FAT4: variants seen among roughly 807,000 people sequenced by gnomAD.
The protein encoded by FAT4 is protocadherin Fat 4.
In FAT4, 84 loss-of-function variants were observed where a neutral mutation model predicts 303.9. The observed-to-expected ratio is 0.28, with a 90% CI of 0.23 to 0.33. The LOEUF (loss-of-function observed/expected upper bound fraction) is 0.33, where lower values mean the gene tolerates loss of function less well. Among genes scored for constraint, FAT4 ranks in the 10% least tolerant of loss-of-function variants. The pLI, the probability that FAT4 is intolerant of heterozygous loss-of-function variation, is 1.00. For synonymous variants in FAT4, 2,307 were observed against 2,298.8 expected (o/e 1.00, Z -0.10); for missense variants, 6,005 against 6,146.8 (o/e 0.98, Z 0.77).
intron 10 of FAT4, among the ~76,000 whole-genome samples, chr4:125,463,256 G>A (rs1034685620): frequency 2.1e-4 from 32 of 151,874 alleles, no homozygotes; most frequent in African/African-American, 6.3e-4. Context: ...CATTGACACA[G>A]AAAATAAATT....
chr4:125,379,710 T>C (rs1407626156), intron 2 of FAT4, among the ~76,000 whole-genome samples: 2 of 152,066 alleles, frequency 1.3e-5, no homozygotes, highest in Non-Finnish European at 2.9e-5. Flanking sequence ...TCCACCCACC[T>C]CGGCCTCCCA....
intron 7 of FAT4, among the ~76,000 whole-genome samples, chr4:125,433,562 T>A (rs1379529373): frequency 6.6e-6 from 1 of 152,220 alleles, no homozygotes; most frequent in Non-Finnish European, 1.5e-5. Flanking sequence ...TTGGCAAATG[T>A]TGGGTTTTCA....
chr4:125,408,613 C>T lies in FAT4; in HGVS notation c.5739C>T (p.Ile1913=). The change falls in exon 5 of 18, where the codon ATC becomes ATT. Residue 1913 remains isoleucine, a synonymous_variant. Transcript: ENST00000394329. ...ATTATGAAGTACAGCAATATTATATCCTCACTGTTCGAGCAGAAGATGGTG... is the reference window on the plus strand; with the variant it reads ...ATTATGAAGTACAGCAATATTATATTCTCACTGTTCGAGCAGAAGATGGTG... The part of the protein sequence containing the change: ...LLDYEVQQYY[I]LTVRAEDGGG... 1 of 1,612,348 alleles carries T rather than the reference C, an allele frequency of 6.2e-7. No homozygotes were observed. Among genetic ancestry groups the T allele is most frequent in the Non-Finnish European group, 8.5e-7 (1 of 1,178,998 alleles).
chr4:125,346,516 G>C (rs79329188), intron 2 of FAT4, among the ~76,000 whole-genome samples: 1 of 151,088 alleles, frequency 6.6e-6, no homozygotes, highest in Non-Finnish European at 1.5e-5. Context: ...CTTAGAGATA[G>C]AGCCTTGAAT....
rs1403890049 is a variant in FAT4 at position 125,449,501 on chromosome 4, A to G, written c.8491A>G (p.Ile2831Val). 6.2e-7 allele frequency: 1 copy of G among 1,613,984 alleles called. No individual in the cohort carries two copies. The highest frequency in any genetic ancestry group is 8.5e-7 in the Non-Finnish European group (1 of 1,179,900). The change falls in exon 10 of 18, where the codon ATA becomes GTA. Residue 2831 changes from isoleucine to valine, a missense_variant. By Grantham distance (29) the Ile-to-Val change is conservative. Coordinates refer to ENST00000394329, the MANE Select transcript of FAT4 (RefSeq NM_001291303.3). ...TAATCCCAGCACAGGGGATATTGTC[A>G]TAAGCAGACCTTTAAATAGGGAAGA... ...TINPSTGDIV[I>V]SRPLNREDTD... is the part of the protein sequence containing the mutation.
At chr4:125,455,593 T>C (rs535673754) in intron 10 of FAT4, among the ~76,000 whole-genome samples, 1 of 152,292 alleles carries the variant, frequency 6.6e-6, no homozygotes, top group East Asian at 1.9e-4. Context: ...TAAAAGAGAT[T>C]AGACAACTTG....
At chr4:125,434,607 T>C (rs2126044440) in intron 8 of FAT4, among the ~76,000 whole-genome samples, 182 bp downstream of exon 8, 1 of 152,362 alleles carries the variant, frequency 6.6e-6, no homozygotes, top group South Asian at 2.1e-4. Flanking sequence ...ATTTTACTTA[T>C]TACTCTAAGA....
intron 2 of FAT4, among the ~76,000 whole-genome samples, chr4:125,365,486 C>G (rs981674677): frequency 6.6e-6 from 1 of 152,128 alleles, no homozygotes; most frequent in Non-Finnish European, 1.5e-5. Context: ...GTTTTGCTCT[C>G]TATTGTCTTT....
At chr4:125,426,456 G>A (rs533924669) in intron 7 of FAT4, among the ~76,000 whole-genome samples, 1 of 151,978 alleles carries the variant, frequency 6.6e-6, no homozygotes, top group East Asian at 1.9e-4. Context: ...GTCATAGATG[G>A]GAATCTTGTT....
intron 8 of FAT4, among the ~76,000 whole-genome samples, chr4:125,436,681 T>A (rs1725463607): frequency 6.6e-6 from 1 of 151,888 alleles, no homozygotes; most frequent in Non-Finnish European, 1.5e-5. Context: ...CAAAATCACG[T>A]CTTACATGGT....
Position 125,380,928 on chromosome 4 carries a change from T to TTTTAATAA in FAT4, c.5176-17856_5176-17855insTTTAATAA, listed in dbSNP as rs1455840793. Among the ~76,000 whole-genome samples the TTTTAATAA allele has an allele frequency of 2.0e-5, 3 of 152,204 alleles. No homozygotes were observed. The East Asian group carries it at 5.8e-4, about 29-fold the overall frequency. ...GTAGTAAACGATTATATCAAACATT[T>TTTTAATAA]GCTTTTTTAATAAACTTGGCTTTAT... On this transcript the variant is annotated intron_variant, in intron 2 of 17. Transcript: ENST00000394329.
At chr4:125,418,976 G>T (rs1326473893) in intron 7 of FAT4, among the ~76,000 whole-genome samples, 1 of 152,124 alleles carries the variant, frequency 6.6e-6, no homozygotes, top group Non-Finnish European at 1.5e-5. Flanking sequence ...TTTAAAAAAT[G>T]AATTCAGATA....
rs139021655 is a variant in FAT4, at chr4:125,451,777, G to A, written c.10767G>A (p.Lys3589=). Residue 3589 remains lysine (K), a synonymous_variant, in exon 10 of 18, where the codon AAG becomes AAA. Coordinates refer to ENST00000394329, the MANE Select transcript of FAT4 (RefSeq NM_001291303.3). The stretch of plus-strand genomic sequence containing the variant: ...ACTTCTATCTGTCTGTGGTTACCAA[G>A]GATTCTGGTGTTCCTCAAATGTCTT... The part of the protein sequence containing the change: ...IADFYLSVVT[K]DSGVPQMSST... 24 of 1,614,142 alleles carry A rather than the reference G, an allele frequency of 1.5e-5. No homozygotes were observed. Among genetic ancestry groups the A allele is most frequent in the Non-Finnish European group, 1.9e-5 (23 of 1,180,030 alleles).
At chr4:125,458,887 C>T (rs1726385972) in intron 10 of FAT4, among the ~76,000 whole-genome samples, 1 of 151,946 alleles carries the variant, frequency 6.6e-6, no homozygotes, top group Non-Finnish European at 1.5e-5. Context: ...GAACAGGATA[C>T]TTAGACTATC....
intron 17 of FAT4, among the ~76,000 whole-genome samples, chr4:125,489,540 T>C (rs1727531049): frequency 6.6e-6 from 1 of 152,174 alleles, no homozygotes; most frequent in Admixed American, 6.5e-5. Context: ...ATATATTTTA[T>C]TTGTATGTAT....
At chr4:125,341,535 T>A (rs1290752958) in intron 2 of FAT4, among the ~76,000 whole-genome samples, 1 of 152,132 alleles carries the variant, frequency 6.6e-6, no homozygotes, top group East Asian at 1.9e-4. Flanking sequence ...GAATTTTTTA[T>A]TTTTTAACTT....
At chr4:125,391,017 A>G (rs1733955372) in intron 2 of FAT4, among the ~76,000 whole-genome samples, 1 of 152,164 alleles carries the variant, frequency 6.6e-6, no homozygotes, top group African/African-American at 2.4e-5. Context: ...AAGTCAGGAA[A>G]CAATAGATGC....
At chr4:125,368,000 T>A (rs1232228906) in intron 2 of FAT4, among the ~76,000 whole-genome samples, 1 of 152,158 alleles carries the variant, frequency 6.6e-6, no homozygotes, top group South Asian at 2.1e-4. Context: ...GTCCAGTTTT[T>A]TTCCCCCTTC....
chr4:125,462,270 T>G (rs1726509695), intron 10 of FAT4, among the ~76,000 whole-genome samples: 1 of 151,938 alleles, frequency 6.6e-6, no homozygotes, highest in South Asian at 2.1e-4. Context: ...TAAGCAAAGT[T>G]AGTATGATGA....
Sources: gnomAD v4.1 joint callset for allele counts (sites outside exome capture counted in the v4.1 genomes callset) on GRCh38, gnomAD v4.1.1 for gene constraint, MANE v1.5 for transcripts, NCBI Gene and HGNC (gene_info 2026-07-23, HGNC 2026-07-21) for gene names.